The following SPATA22 variants were observed in gnomAD, a reference collection of about 807,000 sequenced individuals.
SPATA22 encodes spermatogenesis associated 22.
SPATA22 carries 29 observed loss-of-function variants against 47.8 expected under a neutral mutation model. That is an observed-to-expected ratio of 0.61 (90% CI 0.45 to 0.83). The LOEUF (loss-of-function observed/expected upper bound fraction) is 0.83, where lower values mean the gene tolerates loss of function less well. SPATA22 is among the 40% of genes least tolerant of loss of function. The probability of loss-of-function intolerance (pLI) is 0.00; values close to 1 mark genes in which losing one functional copy is unlikely to be tolerated. For synonymous variants in SPATA22, 133 were observed against 140.9 expected (o/e 0.94, Z 0.40); for missense variants, 410 against 421.7 (o/e 0.97, Z 0.24).
At chr17:3,465,000 T>C (rs866784231) in intron 3 of SPATA22, among the ~76,000 whole-genome samples, 13 of 47,668 alleles carry the variant, frequency 2.7e-4, no homozygotes, top group Non-Finnish European at 4.0e-4. Context: ...GGCCAGCCGC[T>C]CCGTCCGGGA....
chr17:3,462,345 C>T, intron 5 of SPATA22, 138 bp downstream of exon 5: 1 of 599,830 alleles, frequency 1.7e-6, no homozygotes, highest in Non-Finnish European at 2.9e-6. Flanking sequence ...ATTAATACTG[C>T]CATAGTTGTT....
At chr17:3,465,453 G>A (rs1309167336) in intron 3 of SPATA22, among the ~76,000 whole-genome samples, 3 of 152,040 alleles carry the variant, frequency 2.0e-5, no homozygotes, top group African/African-American at 7.3e-5. Flanking sequence ...CTTCTGCCTT[G>A]GGATCCTGTT....
chr17:3,485,580 C>T lies in SPATA22; in HGVS notation c.-73-16182G>A, dbSNP rs150229189. On this transcript the variant is annotated intron_variant, in intron 1 of 8. Transcript: ENST00000541913. This position sits in a 1 kb window ranked among gnomAD's most constrained non-coding sequence, Gnocchi z 4.4. ...AAATACATACATTCATGAGCTTGTC[C>T]GGAGTGATCAGATTTGACTGGATCA... 3.1e-4 allele frequency among the ~76,000 whole-genome samples: 47 copies of T among 152,240 alleles called. No homozygotes were observed. In the East Asian group the frequency reaches 8.1e-3, roughly 26 times the overall value.
intron 7 of SPATA22, among the ~76,000 whole-genome samples, chr17:3,445,790 T>TAC (rs1309446300): frequency 6.6e-6 from 1 of 151,998 alleles, no homozygotes; most frequent in Admixed American, 6.6e-5. Context: ...CATCTATATA[T>TAC]ACACACATTT....
At chr17:3,486,121 A>T (rs1456764913) in intron 1 of SPATA22, among the ~76,000 whole-genome samples, 3 of 152,048 alleles carry the variant, frequency 2.0e-5, no homozygotes, top group African/African-American at 7.2e-5. Context: ...TTTAGTAGAG[A>T]CAGGGTTTCA....
rs2073804127 is a variant in SPATA22, at chr17:3,490,392, G to C, written c.-73-20994C>G. 6.6e-6 allele frequency among the ~76,000 whole-genome samples: 1 copy of C among 152,160 alleles called. No individual in the cohort carries two copies. Among genetic ancestry groups the C allele is most frequent in the South Asian group, 2.1e-4 (1 of 4,828 alleles). On this transcript the variant is annotated intron_variant, in intron 1 of 8. Transcript: ENST00000541913. This position sits in a 1 kb window ranked among gnomAD's most constrained non-coding sequence, Gnocchi z 4.6. Reference sequence around the variant, plus strand: ...AAAGTTTACTTTAAAATGGAAAATAGTTGCTTAAAATCAAAGAGACATTCT... The same window carrying C: ...AAAGTTTACTTTAAAATGGAAAATACTTGCTTAAAATCAAAGAGACATTCT...
intron 7 of SPATA22, among the ~76,000 whole-genome samples, chr17:3,445,326 G>T (rs1398579714): frequency 1.3e-5 from 2 of 152,132 alleles, no homozygotes; most frequent in Non-Finnish European, 2.9e-5. Context: ...CAACAGAGTA[G>T]TAACAGTCAT....
intron 5 of SPATA22, among the ~76,000 whole-genome samples, chr17:3,450,238 G>A (rs971743425): frequency 1.1e-4 from 17 of 152,072 alleles, no homozygotes; most frequent in African/African-American, 4.1e-4. Context: ...CCCTACTTAG[G>A]TAAATAATCC....
chr17:3,472,790 T>C (rs1386337440), upstream of SPATA22, among the ~76,000 whole-genome samples: 1 of 152,186 alleles, frequency 6.6e-6, no homozygotes, highest in Non-Finnish European at 1.5e-5. Flanking sequence ...ACCACAGACA[T>C]TTTAGTAGTT....
At chr17:3,467,244 T>C (rs768387454) in intron 3 of SPATA22, among the ~76,000 whole-genome samples, 182 bp downstream of exon 3, 1 of 152,210 alleles carries the variant, frequency 6.6e-6, no homozygotes. Flanking sequence ...TAAGCCACCC[T>C]TGTAGATAAG....
intron 1 of SPATA22, chr17:3,502,604 A>G (rs1442558475): frequency 6.6e-6 from 1 of 152,240 alleles, no homozygotes; most frequent in Non-Finnish European, 1.5e-5. Flanking sequence ...GGTAAAGATG[A>G]CATATGACTA....
chr17:3,471,845 G>A (rs139000849), upstream of SPATA22: 321 of 985,474 alleles, frequency 3.3e-4, 5 homozygotes, highest in East Asian at 0.024. Context: ...GCCGTGGACC[G>A]CGCAGGCGCA....
intron 5 of SPATA22, among the ~76,000 whole-genome samples, chr17:3,457,803 C>T (rs1342843131): frequency 6.6e-6 from 1 of 152,166 alleles, no homozygotes; most frequent in Non-Finnish European, 1.5e-5. Flanking sequence ...TCACCTTACA[C>T]CATATACAAA....
chr17:3,444,051 T>G (rs1291793757), intron 7 of SPATA22, among the ~76,000 whole-genome samples: 1 of 152,010 alleles, frequency 6.6e-6, no homozygotes, highest in African/African-American at 2.4e-5. Context: ...GAGTAAATTG[T>G]TTAACCACTT....
chr17:3,482,871 T>C (rs1026694260), intron 1 of SPATA22, among the ~76,000 whole-genome samples: 2 of 151,610 alleles, frequency 1.3e-5, no homozygotes, highest in Non-Finnish European at 2.9e-5. Flanking sequence ...ACATGTGCCA[T>C]GTTGGTGTGC....
chr17:3,465,008 G>A (rs1182933434), intron 3 of SPATA22, among the ~76,000 whole-genome samples: 1 of 132,772 alleles, frequency 7.5e-6, no homozygotes, highest in African/African-American at 2.6e-5. Flanking sequence ...GCTCCGTCCG[G>A]GAGGGAGGTG....
chr17:3,448,278 C>T (rs1189417309), intron 6 of SPATA22, among the ~76,000 whole-genome samples: 1 of 152,188 alleles, frequency 6.6e-6, no homozygotes, highest in African/African-American at 2.4e-5. Context: ...CAGTGCAAAT[C>T]TAACCTGCTA....
chr17:3,505,547 G>A (rs75510088), intron 1 of SPATA22, among the ~76,000 whole-genome samples: 4,683 of 152,152 alleles, frequency 0.031, 263 homozygotes, highest in East Asian at 0.28. Flanking sequence ...TGCTCCAATA[G>A]GAGGAGCAAA....
At chr17:3,504,817 C>T (rs2074026954) in intron 1 of SPATA22, among the ~76,000 whole-genome samples, 1 of 152,146 alleles carries the variant, frequency 6.6e-6, no homozygotes, top group Non-Finnish European at 1.5e-5. Context: ...CCTCGGCCTC[C>T]AAGAGTGCTG....
Sources: allele counts gnomAD v4.1 joint callset (sites outside exome capture counted in the v4.1 genomes callset), GRCh38; gene constraint gnomAD v4.1.1; non-coding constraint Gnocchi (gnomAD v3.1); transcripts MANE v1.5; gene names NCBI Gene and HGNC (gene_info 2026-07-23, HGNC 2026-07-21).